Variants in PCDH15 observed in about 807,000 individuals in gnomAD.
The protein encoded by PCDH15 is protocadherin-15.
Under a neutral mutation model 178.5 loss-of-function variants are expected in PCDH15, and 129 were observed. The observed-to-expected ratio is 0.72, with a 90% CI of 0.63 to 0.84. The LOEUF is 0.84. Among genes scored for constraint, PCDH15 ranks in the 40% least tolerant of loss-of-function variants. The pLI is 0.00. For synonymous variants in PCDH15, 800 were observed against 732.0 expected (o/e 1.09, Z -1.50); for missense variants, 2,230 against 2,099.9 (o/e 1.06, Z -1.21).
chr10:53,932,088 A>G (rs76969639), intron 25 of PCDH15, among the ~76,000 whole-genome samples: 2,318 of 152,324 alleles, frequency 0.015, 80 homozygotes, highest in East Asian at 0.13. Context: ...TTTAAAACAG[A>G]CATGGTCAAT....
At chr10:54,922,793 C>T (rs1837527695) in intron 2 of PCDH15, among the ~76,000 whole-genome samples, 1 of 152,172 alleles carries the variant, frequency 6.6e-6, no homozygotes, top group Non-Finnish European at 1.5e-5. Context: ...GCACAGCCCT[C>T]ATGGTTGCTT....
chr10:54,492,437 C>G (rs1404572715), intron 3 of PCDH15, among the ~76,000 whole-genome samples: 1 of 152,166 alleles, frequency 6.6e-6, no homozygotes, highest in Non-Finnish European at 1.5e-5. Flanking sequence ...ATAGTAGTTA[C>G]TGTCTTTGGC....
chr10:55,556,925 G>A (rs1484856780), intron 2 of PCDH15, among the ~76,000 whole-genome samples: 1 of 152,146 alleles, frequency 6.6e-6, no homozygotes, highest in Non-Finnish European at 1.5e-5. Flanking sequence ...GTGTATTTGT[G>A]TATTTGCTCT....
At chr10:54,898,822 T>C (rs1047207995) in intron 2 of PCDH15, among the ~76,000 whole-genome samples, 1 of 152,206 alleles carries the variant, frequency 6.6e-6, no homozygotes, top group Non-Finnish European at 1.5e-5. Context: ...CAGTATATCA[T>C]GTCCATTTAA....
chr10:54,555,670 G>A (rs1156526955), intron 2 of PCDH15, among the ~76,000 whole-genome samples: 1 of 146,286 alleles, frequency 6.8e-6, no homozygotes, highest in Non-Finnish European at 1.5e-5. Flanking sequence ...CCAGGAGGCA[G>A]AGGTTGCATT....
intron 3 of PCDH15, among the ~76,000 whole-genome samples, chr10:54,858,065 A>G (rs1394836096): frequency 6.6e-6 from 1 of 152,138 alleles, no homozygotes; most frequent in Non-Finnish European, 1.5e-5. Context: ...TTGAAACCTT[A>G]TACCTTCTGA....
At chr10:55,610,734 C>T (rs1428641804) in intron 2 of PCDH15, among the ~76,000 whole-genome samples, 1 of 151,886 alleles carries the variant, frequency 6.6e-6, no homozygotes, top group East Asian at 1.9e-4. Flanking sequence ...TTCAATTATA[C>T]CCCCAGAGTC....
intron 2 of PCDH15, among the ~76,000 whole-genome samples, chr10:55,580,182 A>ACG (rs996189119): frequency 6.6e-6 from 1 of 151,866 alleles, no homozygotes; most frequent in African/African-American, 2.4e-5. Context: ...ATATGCACAC[A>ACG]CGTGAATTTA....
intron 18 of PCDH15, among the ~76,000 whole-genome samples, chr10:54,058,160 G>A (rs932033685): frequency 6.6e-6 from 1 of 152,098 alleles, no homozygotes; most frequent in African/African-American, 2.4e-5. Flanking sequence ...CCTCCAAACT[G>A]TTCCAACCCA....
At chr10:55,134,513 G>A (rs777399287) in intron 2 of PCDH15, among the ~76,000 whole-genome samples, 5 of 152,118 alleles carry the variant, frequency 3.3e-5, no homozygotes, top group Non-Finnish European at 7.4e-5. Context: ...CACCAGTTCC[G>A]TGTATTTTGC....
chr10:53,891,507 G>A (rs147575993), intron 26 of PCDH15, among the ~76,000 whole-genome samples: 1 of 152,248 alleles, frequency 6.6e-6, no homozygotes, highest in East Asian at 1.9e-4. Flanking sequence ...TACTGCTAGA[G>A]TGCACTCAAA....
intron 5 of PCDH15, among the ~76,000 whole-genome samples, chr10:54,347,859 T>G (rs1943555176): frequency 2.0e-5 from 3 of 152,114 alleles, no homozygotes; most frequent in African/African-American, 4.8e-5. Flanking sequence ...ATTTATTTAT[T>G]TATTTTTGAG....
intron 4 of PCDH15, among the ~76,000 whole-genome samples, chr10:54,372,282 T>C (rs1450235049): frequency 2.0e-5 from 3 of 151,698 alleles, no homozygotes; most frequent in Non-Finnish European, 2.9e-5. Context: ...CAAAATCTTA[T>C]CAAATAGAGG....
At chr10:53,846,663 C>T (rs2077998207) in intron 28 of PCDH15, among the ~76,000 whole-genome samples, 1 of 151,968 alleles carries the variant, frequency 6.6e-6, no homozygotes, top group Admixed American at 6.6e-5. Flanking sequence ...CAATTTACAG[C>T]ATTACCTTAT....
chr10:55,280,269 C>CTTTTTT (rs1007536850), intron 1 of PCDH15, among the ~76,000 whole-genome samples: 3 of 65,990 alleles, frequency 4.5e-5, no homozygotes, highest in Non-Finnish European at 8.9e-5. Context: ...TATTTTGATT[C>CTTTTTT]TTTTTTTTTT....
Position 54,888,867 on chromosome 10 carries a change from C to T in PCDH15, c.-29+8583G>A, listed in dbSNP as rs140460729. Among the ~76,000 whole-genome samples, 283 of 149,050 alleles carry T rather than the reference C, an allele frequency of 1.9e-3. 2 individuals are homozygous for T. Among genetic ancestry groups the T allele is most frequent in the African/African-American group, 6.8e-3 (276 of 40,526 alleles). On this transcript the variant is annotated intron_variant, in intron 3 of 5. Coordinates refer to the PCDH15 transcript ENST00000458638. The stretch of plus-strand genomic sequence containing the variant: ...CATGCTAAATGATATATGTCTTTTA[C>T]AGATGTGTTATTTGGAAAAAACTTT...
chr10:54,294,322 G>A (rs1377852454), intron 8 of PCDH15, among the ~76,000 whole-genome samples: 3 of 151,942 alleles, frequency 2.0e-5, no homozygotes, highest in Non-Finnish European at 4.4e-5. Context: ...CAGAGGGTGG[G>A]GGGCTGGGGA....
At chr10:55,126,724 G>T (rs1837909066) in intron 2 of PCDH15, among the ~76,000 whole-genome samples, 1 of 152,086 alleles carries the variant, frequency 6.6e-6, no homozygotes, top group African/African-American at 2.4e-5. Context: ...TCTAGACATA[G>T]ATATCAGTTG....
At chr10:53,972,536 C>G (rs1192969412) in intron 21 of PCDH15, among the ~76,000 whole-genome samples, 2 of 152,040 alleles carry the variant, frequency 1.3e-5, no homozygotes, top group African/African-American at 2.4e-5. Context: ...TACAGTCTAC[C>G]CATCTGACAA....
Sources: allele counts gnomAD v4.1 joint callset (sites outside exome capture counted in the v4.1 genomes callset), GRCh38; gene constraint gnomAD v4.1.1; transcripts MANE v1.5; gene names NCBI Gene and HGNC (gene_info 2026-07-23, HGNC 2026-07-21).